Variants in NPIPB15 observed in about 807,000 individuals in gnomAD.
NPIPB15 encodes the protein nuclear pore complex interacting protein family member B15, also known as nuclear pore complex-interacting protein family member B15.
In NPIPB15, 5 loss-of-function variants were observed where a neutral mutation model predicts 35.9. That is an observed-to-expected ratio of 0.14 (90% CI 0.07 to 0.29). The LOEUF (loss-of-function observed/expected upper bound fraction) is 0.29, where lower values mean the gene tolerates loss of function less well. Ranked by LOEUF, NPIPB15 falls within the 10% of genes least tolerant of loss-of-function variation. The pLI is 1.00. For missense variants in NPIPB15, 100 were observed against 506.1 expected (o/e 0.20, Z 7.70); for synonymous variants, 43 against 182.0 (o/e 0.24, Z 6.15).
intron 3 of NPIPB15, among the ~76,000 whole-genome samples, chr16:74,383,686 C>T (rs1200460484): frequency 4.0e-5 from 6 of 149,396 alleles, no homozygotes; most frequent in East Asian, 4.3e-4. Flanking sequence ...GAGGCTGAGG[C>T]AGGTGGATGA....
At chr16:74,378,572 C>T (rs2011809377) in intron 2 of NPIPB15, among the ~76,000 whole-genome samples, 2 of 148,764 alleles carry the variant, frequency 1.3e-5, no homozygotes, top group African/African-American at 5.0e-5. Flanking sequence ...GATTACAACG[C>T]CTGGCTAATT....
At chr16:74,379,024 T>C (rs2142651170) in intron 2 of NPIPB15, among the ~76,000 whole-genome samples, 1 of 152,316 alleles carries the variant, frequency 6.6e-6, no homozygotes, top group South Asian at 2.1e-4. Flanking sequence ...GGTTTTGAAC[T>C]CCCGACCTCA....
At chr16:74,388,012 G>T (rs75813228) in intron 5 of NPIPB15, among the ~76,000 whole-genome samples, 1 of 151,704 alleles carries the variant, frequency 6.6e-6, no homozygotes, top group Non-Finnish European at 1.5e-5. Flanking sequence ...ATGGTTTGCC[G>T]TTGTCACCTA....
intron 5 of NPIPB15, among the ~76,000 whole-genome samples, chr16:74,386,502 A>G (rs1177266997): frequency 8.5e-6 from 1 of 117,472 alleles, no homozygotes; most frequent in South Asian, 3.0e-4. Flanking sequence ...TCTGTCACCC[A>G]GGCTAGAGTG....
rs1322937268 is a variant in NPIPB15 at position 74,376,470 on chromosome 16, T to A, written c.-899T>A. Among the ~76,000 whole-genome samples the A allele has an allele frequency of 1.1e-4, 17 of 149,654 alleles. No individual in the cohort carries two copies. The highest frequency in any genetic ancestry group is 7.4e-5 in the Non-Finnish European group (5 of 67,478). ...CTTGGAGCTCCCCACCCATCACACATGATGCTGCCAAGCCCTCTGGGTATT... is the reference window on the plus strand; with the variant it reads ...CTTGGAGCTCCCCACCCATCACACAAGATGCTGCCAAGCCCTCTGGGTATT... On this transcript the variant is annotated 5_prime_UTR_variant, in exon 1 of 8. An upstream start codon of the reference 5' UTR is lost. Coordinates refer to ENST00000692376, the MANE Select transcript of NPIPB15 (RefSeq NM_001306094.2).
At position 74,380,536 on chromosome 16, in the gene NPIPB15, G is replaced by A. The variant is rs1488445572; in HGVS notation, c.67-980G>A. Among the ~76,000 whole-genome samples the A allele has an allele frequency of 3.4e-5, 5 of 149,192 alleles. No individual in the cohort carries two copies. The East Asian group carries it at 1.0e-3, about 31-fold the overall frequency. ...TGTAAACTTTCTTAAAACATTAGGAGATTTTGGCCAGGTACAGTGGCTCAT... is the reference window on the plus strand; with the variant it reads ...TGTAAACTTTCTTAAAACATTAGGAAATTTTGGCCAGGTACAGTGGCTCAT... On this transcript the variant is annotated intron_variant, in intron 2 of 7. Coordinates refer to ENST00000692376, the MANE Select transcript of NPIPB15 (RefSeq NM_001306094.2).
intron 2 of NPIPB15, among the ~76,000 whole-genome samples, chr16:74,380,622 G>C (rs1298821173): frequency 6.6e-6 from 1 of 151,326 alleles, no homozygotes; most frequent in African/African-American, 2.4e-5. Flanking sequence ...TCAGGAGTTC[G>C]AGACCACCCT....
chr16:74,386,330 G>T (rs1235954534), intron 5 of NPIPB15, among the ~76,000 whole-genome samples: 9 of 127,214 alleles, frequency 7.1e-5, no homozygotes, highest in Middle Eastern at 4.4e-3. Flanking sequence ...ATCTCGCTCT[G>T]TCGCCCAGGC....
intron 3 of NPIPB15, among the ~76,000 whole-genome samples, chr16:74,385,019 G>A (rs1055373404): frequency 2.6e-5 from 3 of 116,886 alleles, no homozygotes; most frequent in Non-Finnish European, 5.3e-5. Context: ...GTGTGTGTGT[G>A]TGTGTGTGTG....
intron 7 of NPIPB15, 168 bp from the exon 8 acceptor site, chr16:74,391,223 T>C (rs578095251): frequency 1.0e-6 from 1 of 985,460 alleles, no homozygotes; most frequent in South Asian, 4.7e-5. Context: ...TCGGCAGTAC[T>C]CAGTGGAAGG....
intron 2 of NPIPB15, among the ~76,000 whole-genome samples, chr16:74,379,492 C>T (rs1261519065): frequency 6.6e-6 from 1 of 151,956 alleles, no homozygotes. Context: ...AAGTCTTCGT[C>T]TTCACTCACA....
At chr16:74,380,873 C>T (rs1409812826) in intron 2 of NPIPB15, among the ~76,000 whole-genome samples, 55 of 152,322 alleles carry the variant, frequency 3.6e-4, no homozygotes, top group South Asian at 6.2e-4. Flanking sequence ...TGGCTGGGCA[C>T]GGTGGCTCAC....
intron 5 of NPIPB15, among the ~76,000 whole-genome samples, chr16:74,389,607 C>T (rs2012444079): frequency 9.3e-6 from 1 of 107,384 alleles, no homozygotes; most frequent in Non-Finnish European, 1.9e-5. Context: ...CTCCTGACCT[C>T]GTGATCCATC....
At position 74,376,708 on chromosome 16, in the gene NPIPB15, T is replaced by A. The variant is rs1379965895; in HGVS notation, c.-661T>A. On this transcript the variant is annotated 5_prime_UTR_variant, in exon 1 of 8. Coordinates refer to ENST00000692376, the MANE Select transcript of NPIPB15 (RefSeq NM_001306094.2). ...TCAGATGTTAAAATGTCTAGGTGGGTTAGGGGTGATTTGAGATCACACAAC... is the reference window on the plus strand; with the variant it reads ...TCAGATGTTAAAATGTCTAGGTGGGATAGGGGTGATTTGAGATCACACAAC... Among the ~76,000 whole-genome samples the A allele has an allele frequency of 1.3e-5, 2 of 151,978 alleles. No individual in the cohort carries two copies. The highest frequency in any genetic ancestry group is 4.8e-5 in the African/African-American group (2 of 41,418).
chr16:74,387,467 A>G (rs2012337702), intron 5 of NPIPB15, among the ~76,000 whole-genome samples: 1 of 149,018 alleles, frequency 6.7e-6, no homozygotes, highest in Non-Finnish European at 1.5e-5. Flanking sequence ...CATGGGTTTT[A>G]TATTCTGTTT....
intron 3 of NPIPB15, among the ~76,000 whole-genome samples, chr16:74,384,367 T>C (rs377474786): frequency 1.0e-5 from 1 of 96,688 alleles, no homozygotes; most frequent in African/African-American, 3.8e-5. Context: ...AGTATATTCA[T>C]GTCATTTTTT....
At chr16:74,386,490 A>C (rs1597158056) in intron 5 of NPIPB15, among the ~76,000 whole-genome samples, 4 of 108,240 alleles carry the variant, frequency 3.7e-5, no homozygotes, top group Admixed American at 2.4e-4. Flanking sequence ...ACAGAGTCTC[A>C]CTCTGTCACC....
At chr16:74,377,639 C>G (rs1264298586) in intron 1 of NPIPB15, among the ~76,000 whole-genome samples, 5 of 151,970 alleles carry the variant, frequency 3.3e-5, no homozygotes, top group African/African-American at 9.7e-5. Context: ...TTCTCCGTGA[C>G]CTGTAGCTAA....
rs1172863582 is a variant in NPIPB15, at chr16:74,379,954, A to ATTTT, written c.67-1548_67-1545dup. Among the ~76,000 whole-genome samples the ATTTT allele has an allele frequency of 1.5e-3, 203 of 139,256 alleles. 1 individual carries two copies. The highest frequency in any genetic ancestry group is 5.1e-3 in the African/African-American group (190 of 37,498). The allele number at this position is 139,256 out of a possible 152,430, so 91.4% of individuals were successfully genotyped here. On this transcript the variant is annotated intron_variant, in intron 2 of 7. Transcript: ENST00000692376. Reference sequence around the variant, plus strand: ...GTGAATGAAGTAATCTCTTCATTGTATTTTTTTTTTTTTTTTTACTTATGC... The same window carrying ATTTT: ...GTGAATGAAGTAATCTCTTCATTGTATTTTTTTTTTTTTTTTTTTTTACTTATGC...
Sources: allele counts gnomAD v4.1 joint callset (sites outside exome capture counted in the v4.1 genomes callset), GRCh38; gene constraint gnomAD v4.1.1; transcripts MANE v1.5; gene names NCBI Gene and HGNC (gene_info 2026-07-23, HGNC 2026-07-21).